Variants in TTC21B observed in about 807,000 individuals in gnomAD.
TTC21B encodes tetratricopeptide repeat protein 21B.
Under a neutral mutation model 175.1 loss-of-function variants are expected in TTC21B, and 127 were observed. The ratio of observed to expected loss-of-function variants is 0.73; its 90% CI spans 0.63 to 0.84. The LOEUF is 0.84. Among genes scored for constraint, TTC21B ranks in the 40% least tolerant of loss-of-function variants. The probability of loss-of-function intolerance (pLI) is 0.00; values close to 1 mark genes in which losing one functional copy is unlikely to be tolerated. For missense variants in TTC21B, 1,561 were observed against 1,558.3 expected, an observed-to-expected ratio of 1.00 and a Z score of -0.03; for synonymous variants, 524 against 524.5, an observed-to-expected ratio of 1.00 and a Z score of 0.01.
intron 12 of TTC21B, 50 bp from the exon 13 acceptor site, chr2:165,919,483 A>G: frequency 6.3e-7 from 1 of 1,582,814 alleles, no homozygotes; most frequent in Non-Finnish European, 8.7e-7. Context: ...TAAGAAATGG[A>G]GATCTGAGAG....
Position 165,953,724 on chromosome 2 carries a change from C to G in TTC21B, c.-19G>C. 6.5e-7 allele frequency: 1 copy of G among 1,544,328 alleles called. No homozygotes were observed. Among genetic ancestry groups the G allele is most frequent in the African/African-American group, 1.4e-5 (1 of 69,096 alleles). On this transcript the variant is annotated 5_prime_UTR_variant, in exon 1 of 29. Transcript: ENST00000243344. ...AGTCCATGGCTGCCCCGAGGCCGGG[C>G]CGCGGGGCTCTGGGGATTGTCTCGC...
Position 165,888,592 on chromosome 2 carries a change from T to A in TTC21B, c.3264-118A>T, listed in dbSNP as rs559040494. ...CACTCTTTTATACTCTTTTTGTCAC[T>A]CATTTAAAAGTAATCTTTTGTAAAG... On this transcript the variant is annotated intron_variant, in intron 24 of 28. Transcript: ENST00000243344. 98 of 754,718 alleles carry A rather than the reference T, an allele frequency of 1.3e-4. No homozygotes were observed. In the South Asian group the frequency reaches 1.6e-3, roughly 12 times the overall value. 46.8% of individuals were successfully genotyped at this position (754,718 alleles called of 1,614,324 possible).
In TTC21B at chr2:165,874,771, G is replaced by C; in HGVS notation, c.3935C>G (p.Ala1312Gly). Residue 1312 changes from alanine (A) to glycine (G), a missense_variant, in exon 29 of 29, where the codon GCG becomes GGG. Transcript: ENST00000243344. ...AAATTATTTTCAAGGTCTTAAAGAC[G>C]CACGGGCCTTATCAAGTATATCCTT... ...IRKDILDKARASLRP is the reference protein window; with the variant it reads ...IRKDILDKARGSLRP The C allele has an allele frequency of 3.7e-6, 6 of 1,613,506 alleles. No individual in the cohort carries two copies. Among genetic ancestry groups the C allele is most frequent in the Non-Finnish European group, 5.1e-6 (6 of 1,179,626 alleles).
chr2:165,880,771 C>A lies in TTC21B; in HGVS notation c.3713G>T (p.Gly1238Val). The A allele has an allele frequency of 6.2e-7, 1 of 1,612,770 alleles. No individual in the cohort carries two copies. The highest frequency in any genetic ancestry group is 8.5e-7 in the Non-Finnish European group (1 of 1,179,570). Residue 1238 changes from glycine (G) to valine (V), a missense_variant, in exon 27 of 29, where the codon GGA becomes GTA. By Grantham distance (109) the Gly-to-Val change is moderately radical (BLOSUM62 -3). Coordinates refer to ENST00000243344, the MANE Select transcript of TTC21B (RefSeq NM_024753.5). Reference sequence around the variant, plus strand: ...TGCTTGCTCTTTTTCCATAATGTATCCCATATATTCATAAGCTTTGCAGCA... The same window carrying A: ...TGCTTGCTCTTTTTCCATAATGTATACCATATATTCATAAGCTTTGCAGCA... ...RSCCKAYEYM[G>V]YIMEKEQAYT...
At chr2:165,925,016 A>G (rs1248575904) in intron 11 of TTC21B, among the ~76,000 whole-genome samples, 1 of 152,218 alleles carries the variant, frequency 6.6e-6, no homozygotes, top group Non-Finnish European at 1.5e-5. Flanking sequence ...ACTGAGAGGT[A>G]CAGTTTCTTG....
At chr2:165,918,925 A>C (rs1686284345) in intron 13 of TTC21B, among the ~76,000 whole-genome samples, 1 of 152,218 alleles carries the variant, frequency 6.6e-6, no homozygotes, top group South Asian at 2.1e-4. Context: ...TTTATACATA[A>C]AAATATTTGA....
rs769276420 is a variant in TTC21B at position 165,949,480 on chromosome 2, T to G, written c.176A>C (p.Glu59Ala). ...TTGTTTATTTTTAATAGCCTCAAAT[T>G]CTCGAAGAGCTTCTTGAGTTTTACC... ...MEGKTQEALR[E>A]FEAIKNKQDV... is the part of the protein sequence containing the mutation. Residue 59 changes from glutamate (E) to alanine (A), a missense_variant, in exon 3 of 29, where the codon GAA (glutamate) becomes GCA (alanine). Glu to Ala is a moderately radical substitution (Grantham distance 107). Coordinates refer to ENST00000243344, the MANE Select transcript of TTC21B (RefSeq NM_024753.5). 1.9e-5 allele frequency: 30 copies of G among 1,613,720 alleles called. No homozygotes were observed. Among genetic ancestry groups the G allele is most frequent in the Non-Finnish European group, 2.5e-5 (30 of 1,179,858 alleles).
At chr2:165,916,027 A>G (rs1686157404) in intron 14 of TTC21B, among the ~76,000 whole-genome samples, 1 of 152,228 alleles carries the variant, frequency 6.6e-6, no homozygotes, top group Non-Finnish European at 1.5e-5. Flanking sequence ...TCACACCTGT[A>G]ATCCCAGCAC....
chr2:165,945,389 T>G, intron 4 of TTC21B, 135 bp downstream of exon 4: 2 of 813,550 alleles, frequency 2.5e-6, no homozygotes, highest in Non-Finnish European at 3.9e-6. Context: ...CATAAATGGG[T>G]TAAAATAAAG....
chr2:165,952,331 G>A (rs1393457383), intron 1 of TTC21B, among the ~76,000 whole-genome samples: 1 of 149,544 alleles, frequency 6.7e-6, no homozygotes, highest in Non-Finnish European at 1.5e-5. Context: ...ACACAGCCAT[G>A]CTCATTTAAG....
At chr2:165,907,862 T>C in intron 18 of TTC21B, 78 bp from the exon 19 acceptor site, 1 of 1,019,398 alleles carries the variant, frequency 9.8e-7, no homozygotes, top group Non-Finnish European at 1.5e-6. Flanking sequence ...TTTTTAAAAC[T>C]GGTCTCTAGA....
rs117135069 is a variant in TTC21B at position 165,915,616 on chromosome 2, A to G, written c.1900-177T>C. ...ATTTAAAACTAAACCCATGACCAAA[A>G]TCAGATGAGCCTGTAAATATTGTTA... On this transcript the variant is annotated intron_variant, in intron 14 of 28. Transcript: ENST00000243344. 4.9e-4 allele frequency among the ~76,000 whole-genome samples: 75 copies of G among 152,338 alleles called. No homozygotes were observed. The East Asian group carries it at 0.014, about 29-fold the overall frequency.
intron 26 of TTC21B, among the ~76,000 whole-genome samples, chr2:165,881,833 ACATTT>A: frequency 6.6e-6 from 1 of 152,120 alleles, no homozygotes; most frequent in Admixed American, 6.6e-5. Flanking sequence ...AAAAATCACT[ACATTT>A]AAGACTGAAC....
At chr2:165,880,602 AT>A in intron 27 of TTC21B, 76 bp downstream of exon 27, 1 of 1,512,988 alleles carries the variant, frequency 6.6e-7, no homozygotes, top group Non-Finnish European at 9.1e-7. Flanking sequence ...TTTGAAAAAA[AT>A]CAAATGCATT....
chr2:165,933,595 A>G (rs865820717), intron 6 of TTC21B, among the ~76,000 whole-genome samples: 1 of 152,224 alleles, frequency 6.6e-6, no homozygotes, highest in African/African-American at 2.4e-5. Context: ...ATGAAACTGT[A>G]CTCAGGGACA....
intron 15 of TTC21B, among the ~76,000 whole-genome samples, chr2:165,914,791 A>G (rs532899950): frequency 6.6e-6 from 1 of 151,980 alleles, no homozygotes; most frequent in East Asian, 1.9e-4. Flanking sequence ...ACACGTTAGC[A>G]TGGTACATAC....
rs559966258 is a variant in TTC21B, at chr2:165,902,031, T to C, written c.2569-121A>G. 7 of 876,134 alleles carry C rather than the reference T, an allele frequency of 8.0e-6. No homozygotes were observed. In the Admixed American group the frequency reaches 1.2e-4, roughly 15 times the overall value. The allele number at this position is 876,134 out of a possible 1,614,324, so 54.3% of individuals were successfully genotyped here. On this transcript the variant is annotated intron_variant, in intron 19 of 28. Coordinates refer to ENST00000243344, the MANE Select transcript of TTC21B (RefSeq NM_024753.5). The stretch of plus-strand genomic sequence containing the variant: ...ATTATGAACCCTTGATCTAACAAAG[T>C]CTGATCCAAAGAAAATGTCTTATTG...
rs186355273 is a variant in TTC21B at position 165,898,348 on chromosome 2, T to C, written c.2950+338A>G. On this transcript the variant is annotated intron_variant, in intron 22 of 28. Coordinates refer to ENST00000243344, the MANE Select transcript of TTC21B (RefSeq NM_024753.5). ...AGGTACAAATATTCTCTTAGTGAAG[T>C]AGGTGGCAAGGCTTTTAACTGTGGG... Among the ~76,000 whole-genome samples the C allele has an allele frequency of 5.3e-5, 8 of 152,136 alleles. No homozygotes were observed. In the East Asian group the frequency reaches 1.4e-3, roughly 26 times the overall value.
Position 165,932,909 on chromosome 2 carries a change from G to T in TTC21B, c.795+64C>A, listed in dbSNP as rs1056911643. 12 of 1,340,720 alleles carry T rather than the reference G, an allele frequency of 9.0e-6. No homozygotes were observed. In the Admixed American group the frequency reaches 2.0e-4, roughly 23 times the overall value. 83.1% of individuals were successfully genotyped at this position (1,340,720 alleles called of 1,614,324 possible). ...AATGTATATGCACATGCACACATGG[G>T]TGTGTATGTGTAATGAAATATATTT... On this transcript the variant is annotated intron_variant, in intron 7 of 28. Coordinates refer to ENST00000243344, the MANE Select transcript of TTC21B (RefSeq NM_024753.5).
Sources: gnomAD v4.1 joint callset for allele counts (sites outside exome capture counted in the v4.1 genomes callset) on GRCh38, gnomAD v4.1.1 for gene constraint, MANE v1.5 for transcripts, NCBI Gene and HGNC (gene_info 2026-07-23, HGNC 2026-07-21) for gene names.